NRG1: variants seen among roughly 807,000 people sequenced by gnomAD.
NRG1 encodes the protein neuregulin 1.
A neutral mutation model predicts 63.8 loss-of-function variants in NRG1; 18 were observed. That is an observed-to-expected ratio of 0.28 (90% CI 0.19 to 0.42). The LOEUF (loss-of-function observed/expected upper bound fraction) is 0.42, where lower values mean the gene tolerates loss of function less well. Ranked by LOEUF, NRG1 falls within the 10% of genes least tolerant of loss-of-function variation. The pLI is 1.00. For missense variants in NRG1, 762 were observed against 814.7 expected, an observed-to-expected ratio of 0.94 and a Z score of 0.79; for synonymous variants, 302 against 301.3, an observed-to-expected ratio of 1.00 and a Z score of -0.02.
At chr8:31,838,955 A>AT (rs944005136) in intron 1 of NRG1, among the ~76,000 whole-genome samples, 1 of 152,068 alleles carries the variant, frequency 6.6e-6, no homozygotes, top group Non-Finnish European at 1.5e-5. Flanking sequence ...AATTTTTGGC[A>AT]TTTTTTTGGT....
intron 1 of NRG1, among the ~76,000 whole-genome samples, chr8:31,725,289 T>C (rs140764927): frequency 1.2e-3 from 177 of 152,290 alleles, no homozygotes; most frequent in African/African-American, 3.7e-3. Context: ...GACTCCAGGC[T>C]CTCTCTCTGA....
chr8:32,194,273 C>A (rs1842764546), intron 1 of NRG1, among the ~76,000 whole-genome samples: 1 of 152,064 alleles, frequency 6.6e-6, no homozygotes, highest in African/African-American at 2.4e-5. Flanking sequence ...GGTAAGTGAC[C>A]CTAGAAGAAA....
rs561968244 is a variant in NRG1, at chr8:32,150,835, T to G, written c.38-444993T>G. Among the ~76,000 whole-genome samples, 9 of 152,276 alleles carry G rather than the reference T, an allele frequency of 5.9e-5. No individual in the cohort carries two copies. In the South Asian group the frequency reaches 1.7e-3, roughly 28 times the overall value. On this transcript the variant is annotated intron_variant, in intron 1 of 10. Coordinates refer to the NRG1 transcript ENST00000519301. ...CCATACCCAATAAACATACCCATAT[T>G]TATTGCAAATTATCCTCTAAACTGT...
chr8:31,983,917 A>G (rs2129631243), intron 1 of NRG1, among the ~76,000 whole-genome samples: 1 of 152,230 alleles, frequency 6.6e-6, no homozygotes, highest in Non-Finnish European at 1.5e-5. Context: ...AAGAAAGAAG[A>G]ATGTCGAAGA....
chr8:31,736,196 A>G (rs965018041), intron 1 of NRG1, among the ~76,000 whole-genome samples: 3 of 152,182 alleles, frequency 2.0e-5, no homozygotes, highest in African/African-American at 7.2e-5. Context: ...ACATAGGGGC[A>G]TCACTGATGT....
intron 1 of NRG1, among the ~76,000 whole-genome samples, chr8:31,875,128 A>G (rs1362576550): frequency 6.6e-6 from 1 of 152,098 alleles, no homozygotes; most frequent in Admixed American, 6.6e-5. Context: ...CCTAGTGTAG[A>G]GGGAGAACTC....
At chr8:32,505,167 GCA>G (rs531673339) in intron 1 of NRG1, among the ~76,000 whole-genome samples, 5 of 152,206 alleles carry the variant, frequency 3.3e-5, no homozygotes, top group African/African-American at 1.2e-4. Flanking sequence ...TCTTCTGGTA[GCA>G]CTAAGCTTTA....
chr8:31,944,057 C>G (rs2129621302), intron 1 of NRG1, among the ~76,000 whole-genome samples: 1 of 152,324 alleles, frequency 6.6e-6, no homozygotes, highest in Middle Eastern at 3.4e-3. Context: ...TTCTTTATCT[C>G]TTTCCTTATT....
At chr8:32,275,708 G>C (rs888082841) in intron 1 of NRG1, among the ~76,000 whole-genome samples, 1 of 152,126 alleles carries the variant, frequency 6.6e-6, no homozygotes, top group African/African-American at 2.4e-5. Flanking sequence ...TCAAACTCCA[G>C]TGTCTGCGCA....
chr8:31,905,365 G>C (rs1314269089), intron 1 of NRG1, among the ~76,000 whole-genome samples: 1 of 152,082 alleles, frequency 6.6e-6, no homozygotes, highest in Non-Finnish European at 1.5e-5. Flanking sequence ...AATCTTAATT[G>C]TTTTCAGTGT....
chr8:32,484,837 T>C (rs1026648817), intron 1 of NRG1, among the ~76,000 whole-genome samples: 5 of 152,182 alleles, frequency 3.3e-5, no homozygotes, highest in African/African-American at 1.2e-4. Flanking sequence ...ATGCTTAAAA[T>C]TTATATGAAT....
At position 32,326,242 on chromosome 8, in the gene NRG1, T is replaced by C. The variant is rs982739199; in HGVS notation, c.38-269586T>C. On this transcript the variant is annotated intron_variant, in intron 1 of 10. Coordinates refer to the NRG1 transcript ENST00000519301. The stretch of plus-strand genomic sequence containing the variant: ...TCAGGCTGGTCTTGAACTCCTGGCC[T>C]TGTGATCTGCCGACCTTGGTCTCCC... Among the ~76,000 whole-genome samples, 3 of 152,008 alleles carry C rather than the reference T, an allele frequency of 2.0e-5. No individual in the cohort carries two copies. In the South Asian group the frequency reaches 6.2e-4, roughly 32 times the overall value.
At chr8:32,697,051 T>G (rs1159832940) in intron 5 of NRG1, among the ~76,000 whole-genome samples, 1 of 152,244 alleles carries the variant, frequency 6.6e-6, no homozygotes, top group East Asian at 1.9e-4. Context: ...GCTATAGGAT[T>G]AGATGGACGT....
At chr8:32,583,339 T>C (rs770220442) in intron 1 of NRG1, among the ~76,000 whole-genome samples, 44 of 152,152 alleles carry the variant, frequency 2.9e-4, no homozygotes, top group Non-Finnish European at 5.6e-4. Context: ...CAGAGTAATT[T>C]TGTGACTGCT....
chr8:31,781,243 G>A (rs1328398444), intron 1 of NRG1, among the ~76,000 whole-genome samples: 1 of 152,174 alleles, frequency 6.6e-6, no homozygotes. Context: ...GCCTTTCTGT[G>A]TGAGGAGTAA....
chr8:31,852,784 G>T (rs1827388581), intron 1 of NRG1, among the ~76,000 whole-genome samples: 1 of 152,138 alleles, frequency 6.6e-6, no homozygotes, highest in African/African-American at 2.4e-5. Flanking sequence ...ATTGATTTTT[G>T]TATAAGGTGT....
chr8:32,008,988 A>G (rs898436300), intron 1 of NRG1, among the ~76,000 whole-genome samples: 3 of 152,158 alleles, frequency 2.0e-5, no homozygotes, highest in South Asian at 2.1e-4. Context: ...CACAGGTGGG[A>G]TATTTTTGAA....
At chr8:31,649,490 C>G (rs1036070040) in intron 1 of NRG1, among the ~76,000 whole-genome samples, 4 of 152,138 alleles carry the variant, frequency 2.6e-5, no homozygotes, top group Non-Finnish European at 5.9e-5. Context: ...TCTAATTACA[C>G]TGTCATTAAC....
At chr8:32,573,064 T>C (rs1838923750) in intron 1 of NRG1, among the ~76,000 whole-genome samples, 1 of 152,226 alleles carries the variant, frequency 6.6e-6, no homozygotes, top group African/African-American at 2.4e-5. Context: ...CTTCTTCTCC[T>C]TATCTGAATG....
Sources: allele counts gnomAD v4.1 joint callset (sites outside exome capture counted in the v4.1 genomes callset), GRCh38; gene constraint gnomAD v4.1.1; transcripts MANE v1.5; gene names NCBI Gene and HGNC (gene_info 2026-07-23, HGNC 2026-07-21).